MKNK1: variants seen among roughly 807,000 people sequenced by gnomAD.
MKNK1 encodes the protein MAP kinase-interacting serine/threonine-protein kinase 1.
A neutral mutation model predicts 49.3 loss-of-function variants in MKNK1; 30 were observed. The ratio of observed to expected loss-of-function variants is 0.61; its 90% CI spans 0.46 to 0.83. The LOEUF is 0.83. Among genes scored for constraint, MKNK1 ranks in the 40% least tolerant of loss-of-function variants. The pLI, the probability that MKNK1 is intolerant of heterozygous loss-of-function variation, is 0.00. For synonymous variants in MKNK1, 176 were observed against 201.7 expected, an observed-to-expected ratio of 0.87 and a Z score of 1.08; for missense variants, 423 against 524.7, an observed-to-expected ratio of 0.81 and a Z score of 1.89.
chr1:46,594,732 T>A (rs1026274960), intron 1 of MKNK1: 1 of 284,154 alleles, frequency 3.5e-6, no homozygotes, highest in Non-Finnish European at 7.1e-6. Flanking sequence ...TGGTGGCTCA[T>A]GCCTGTAATC....
intron 2 of MKNK1, among the ~76,000 whole-genome samples, chr1:46,590,461 A>G (rs1570294411): frequency 6.6e-6 from 1 of 152,314 alleles, no homozygotes; most frequent in South Asian, 2.1e-4. Flanking sequence ...AACTTATTTA[A>G]TCATCACTAC....
chr1:46,573,221 T>C (rs910525097), intron 6 of MKNK1, among the ~76,000 whole-genome samples: 3 of 152,230 alleles, frequency 2.0e-5, no homozygotes, highest in Admixed American at 1.3e-4. Flanking sequence ...CCTCCGAGTC[T>C]GTGCAGACAT....
intron 2 of MKNK1, among the ~76,000 whole-genome samples, chr1:46,593,098 A>G (rs1159572777): frequency 6.6e-6 from 1 of 152,202 alleles, no homozygotes; most frequent in Non-Finnish European, 1.5e-5. Context: ...ATAATCTCCC[A>G]GGCATGACAA....
intron 7 of MKNK1, chr1:46,569,346 G>A (rs919728696): frequency 3.3e-5 from 5 of 152,268 alleles, no homozygotes; most frequent in South Asian, 2.1e-4. Context: ...AAGGCACCTC[G>A]GGGAGAGCCC....
At chr1:46,570,437 C>A (rs76874092) in intron 7 of MKNK1, among the ~76,000 whole-genome samples, 7 of 152,248 alleles carry the variant, frequency 4.6e-5, no homozygotes, top group African/African-American at 7.2e-5. Context: ...AGTTTTCATC[C>A]TAGGTGCAAG....
chr1:46,599,292 T>C (rs1322232781), intron 1 of MKNK1, among the ~76,000 whole-genome samples: 1 of 152,118 alleles, frequency 6.6e-6, no homozygotes, highest in Non-Finnish European at 1.5e-5. Flanking sequence ...CAGACTCTTG[T>C]TGAATTTGAG....
rs140934827 is a variant in MKNK1 at position 46,558,770 on chromosome 1, G to A, written c.1044C>T (p.Phe348=). ...GGTTAAGGGCGATGGCCTCAGCTGC[G>A]AAGAGCGTCAGGTCCATTGTGCTGC... The part of the protein sequence containing the change: ...RNSSTMDLTL[F]AAEAIALNRQ... The change falls in exon 13 of 13, where the codon TTC becomes TTT. Residue 348 remains phenylalanine, a synonymous_variant. Transcript: ENST00000371945. 6.8e-5 allele frequency: 109 copies of A among 1,614,122 alleles called. No individual in the cohort carries two copies. In the African/African-American group the frequency reaches 9.7e-4, roughly 14 times the overall value.
chr1:46,583,407 A>AT, intron 2 of MKNK1, 78 bp from the exon 3 acceptor site: 1 of 1,112,992 alleles, frequency 9.0e-7, no homozygotes, highest in Non-Finnish European at 1.3e-6. Context: ...GAAAAAAAAA[A>AT]GGTAGTGGGG....
chr1:46,574,983 T>C lies in MKNK1; in HGVS notation c.316A>G (p.Thr106Ala). The change falls in exon 6 of 13, where the codon ACA becomes GCA. Residue 106 changes from threonine (T) to alanine (A), a missense_variant. Thr to Ala is a moderately conservative substitution (Grantham distance 58). Transcript: ENST00000371945. ...TTCTCAAAGACCAAGTAAAACCTTG[T>C]GTCATCTTCAAAGAACTCAATCAGC... ...LELIEFFEDD[T>A]RFYLVFEKLQ... 6.2e-7 allele frequency: 1 copy of C among 1,613,576 alleles called. No individual in the cohort carries two copies. Among genetic ancestry groups the C allele is most frequent in the Non-Finnish European group, 8.5e-7 (1 of 1,179,724 alleles).
chr1:46,596,514 G>A (rs1674087176), intron 1 of MKNK1, among the ~76,000 whole-genome samples: 1 of 152,192 alleles, frequency 6.6e-6, no homozygotes, highest in Non-Finnish European at 1.5e-5. Context: ...TTGCCACGTG[G>A]AGCCACCTTA....
Position 46,571,227 on chromosome 1 carries a change from G to A in MKNK1, c.457+836C>T, listed in dbSNP as rs557505255. ...TGAGTTACCAATGTGCTTTTCAACA[G>A]ATACCTCAAATGTACATGTTAATAG... On this transcript the variant is annotated intron_variant, in intron 7 of 12. Transcript: ENST00000371945. Among the ~76,000 whole-genome samples, 9 of 152,318 alleles carry A rather than the reference G, an allele frequency of 5.9e-5. No homozygotes were observed. The South Asian group carries it at 1.9e-3, about 32-fold the overall frequency.
At chr1:46,600,791 A>C (rs1674632893) in intron 1 of MKNK1, among the ~76,000 whole-genome samples, 1 of 152,252 alleles carries the variant, frequency 6.6e-6, no homozygotes, top group South Asian at 2.1e-4. Flanking sequence ...TTTTAAAAAC[A>C]GTGTCTGGAA....
chr1:46,596,961 G>C (rs1674149073), intron 1 of MKNK1, among the ~76,000 whole-genome samples: 1 of 152,146 alleles, frequency 6.6e-6, no homozygotes, highest in Non-Finnish European at 1.5e-5. Flanking sequence ...ATTCCTTCTG[G>C]CACCATTTAA....
chr1:46,588,703 A>G (rs1031001797), intron 2 of MKNK1, among the ~76,000 whole-genome samples: 8 of 151,454 alleles, frequency 5.3e-5, no homozygotes, highest in African/African-American at 1.9e-4. Flanking sequence ...GCTATTCGGG[A>G]GGCTGAGGCA....
chr1:46,596,899 G>A (rs1442639456), intron 1 of MKNK1, among the ~76,000 whole-genome samples: 1 of 152,208 alleles, frequency 6.6e-6, no homozygotes, highest in African/African-American at 2.4e-5. Flanking sequence ...GAGAGAGAAT[G>A]TGGAGGTTTT....
intron 1 of MKNK1, among the ~76,000 whole-genome samples, chr1:46,596,902 G>A (rs1674140203): frequency 6.6e-6 from 1 of 152,188 alleles, no homozygotes; most frequent in Non-Finnish European, 1.5e-5. Context: ...AGAGAATGTG[G>A]AGGTTTTCAG....
chr1:46,576,405 T>A, intron 5 of MKNK1, 170 bp downstream of exon 5: 1 of 597,250 alleles, frequency 1.7e-6, no homozygotes, highest in Admixed American at 2.9e-5. Context: ...TTGCTGTTAC[T>A]GCTGCTTTTC....
At chr1:46,559,939 G>A (rs1395571891) in intron 12 of MKNK1, 2 of 517,890 alleles carry the variant, frequency 3.9e-6, no homozygotes, top group Non-Finnish European at 7.0e-6. Flanking sequence ...CATGGGTAAG[G>A]TCTGTCTTTG....
At chr1:46,601,676 C>G (rs1434641970) in intron 1 of MKNK1, among the ~76,000 whole-genome samples, 1 of 152,168 alleles carries the variant, frequency 6.6e-6, no homozygotes, top group East Asian at 1.9e-4. Context: ...TGGGGCCCTC[C>G]TTAGGCACAA....
Sources: allele counts gnomAD v4.1 joint callset (sites outside exome capture counted in the v4.1 genomes callset), GRCh38; gene constraint gnomAD v4.1.1; transcripts MANE v1.5; gene names NCBI Gene and HGNC (gene_info 2026-07-23, HGNC 2026-07-21).